The following HSD17B4 variants were observed in gnomAD, a reference collection of about 807,000 sequenced individuals.
The protein encoded by HSD17B4 is peroxisomal multifunctional enzyme type 2.
HSD17B4 carries 70 observed loss-of-function variants against 101.0 expected under a neutral mutation model. The ratio of observed to expected loss-of-function variants is 0.69; its 90% CI spans 0.57 to 0.85. The LOEUF is 0.85. Ranked by LOEUF, HSD17B4 falls within the 40% of genes least tolerant of loss-of-function variation. The pLI is 0.00. For missense variants in HSD17B4, 984 were observed against 892.4 expected (o/e 1.10, Z -1.31); for synonymous variants, 347 against 297.1 (o/e 1.17, Z -1.73).
At chr5:119,459,695 C>A (rs886314292) in intron 2 of HSD17B4, among the ~76,000 whole-genome samples, 10 of 152,140 alleles carry the variant, frequency 6.6e-5, no homozygotes, top group African/African-American at 2.4e-4. Flanking sequence ...CGTCACAGGG[C>A]AAGAGGCTGA....
intron 8 of HSD17B4, among the ~76,000 whole-genome samples, chr5:119,483,408 T>C (rs1357467726): frequency 1.3e-5 from 2 of 152,184 alleles, no homozygotes; most frequent in Non-Finnish European, 2.9e-5. Context: ...GCTTTTATCT[T>C]GGTTTGAGGA....
At chr5:119,520,146 A>G (rs1257637477) in intron 17 of HSD17B4, among the ~76,000 whole-genome samples, 2 of 147,588 alleles carry the variant, frequency 1.4e-5, no homozygotes, top group African/African-American at 2.6e-5. Context: ...TTTTATAACT[A>G]CTACCTGTTT....
At chr5:119,461,352 T>G (rs1755215856) in intron 2 of HSD17B4, among the ~76,000 whole-genome samples, 1 of 152,154 alleles carries the variant, frequency 6.6e-6, no homozygotes, top group Admixed American at 6.5e-5. Context: ...ATTACTTTAC[T>G]AGTGCTCAAA....
At chr5:119,517,030 G>A (rs1752674247) in intron 17 of HSD17B4, among the ~76,000 whole-genome samples, 1 of 152,246 alleles carries the variant, frequency 6.6e-6, no homozygotes, top group Non-Finnish European at 1.5e-5. Flanking sequence ...TCAGCCCACC[G>A]CTGCACTGTG....
chr5:119,489,746 A>G (rs531806862), intron 9 of HSD17B4, among the ~76,000 whole-genome samples: 2 of 152,296 alleles, frequency 1.3e-5, no homozygotes, highest in East Asian at 3.9e-4. Flanking sequence ...CACCAATTTT[A>G]ATTATCAGTA....
At chr5:119,540,123 A>G (rs1754865536) in intron 23 of HSD17B4, among the ~76,000 whole-genome samples, 1 of 152,116 alleles carries the variant, frequency 6.6e-6, no homozygotes, top group Non-Finnish European at 1.5e-5. Context: ...TCTGGAAAGC[A>G]CAGTGCTTCC....
At chr5:119,535,464 T>C (rs1464416349) in intron 22 of HSD17B4, among the ~76,000 whole-genome samples, 2 of 151,904 alleles carry the variant, frequency 1.3e-5, no homozygotes, top group African/African-American at 4.8e-5. Flanking sequence ...CTTTTCCCAA[T>C]TTTGAGATAT....
chr5:119,495,577 T>C (rs1750562318), intron 11 of HSD17B4: 1 of 152,224 alleles, frequency 6.6e-6, no homozygotes, highest in African/African-American at 2.4e-5. Context: ...ATGAATGGGA[T>C]GGTAGGGAGA....
intron 17 of HSD17B4, among the ~76,000 whole-genome samples, chr5:119,518,502 T>C: frequency 6.6e-6 from 1 of 152,116 alleles, no homozygotes; most frequent in Non-Finnish European, 1.5e-5. Flanking sequence ...GGAGATGGTA[T>C]GTGGGTGTTT....
At chr5:119,532,590 C>G (rs1187364161) in intron 22 of HSD17B4, among the ~76,000 whole-genome samples, 1 of 151,372 alleles carries the variant, frequency 6.6e-6, no homozygotes, top group African/African-American at 2.4e-5. Flanking sequence ...TAATATGATA[C>G]TGAGATATTT....
At chr5:119,493,976 G>A (rs774458416) in intron 11 of HSD17B4, 30 bp downstream of exon 11, 53 of 1,611,644 alleles carry the variant, frequency 3.3e-5, no homozygotes, top group South Asian at 2.7e-4. Flanking sequence ...CTTAGCCCTG[G>A]TTGGGGAATC....
In HSD17B4 at chr5:119,542,091, C is replaced by G. The variant is rs1030938167; in HGVS notation, c.*97C>G. The stretch of plus-strand genomic sequence containing the variant: ...TGCAAAAGTGATTAGAACTAAGATG[C>G]AGGGGAAATTGCTTAACATTTTCAG... On this transcript the variant is annotated 3_prime_UTR_variant, in exon 24 of 24. Coordinates refer to ENST00000510025, the MANE Select transcript of HSD17B4 (RefSeq NM_000414.4). 3 of 811,750 alleles carry G rather than the reference C, an allele frequency of 3.7e-6. No individual in the cohort carries two copies. Among genetic ancestry groups the G allele is most frequent in the Non-Finnish European group, 2.1e-6 (1 of 471,400 alleles). The allele number at this position is 811,750 out of a possible 1,614,324, so 50.3% of individuals were successfully genotyped here.
At chr5:119,455,471 C>T (rs764710635) in intron 1 of HSD17B4, among the ~76,000 whole-genome samples, 2 of 151,682 alleles carry the variant, frequency 1.3e-5, no homozygotes, top group Admixed American at 6.6e-5. Context: ...GAGCCGAGAT[C>T]ATGCCACTGC....
At chr5:119,528,084 G>C (rs1217103106) in intron 20 of HSD17B4, among the ~76,000 whole-genome samples, 1 of 152,068 alleles carries the variant, frequency 6.6e-6, no homozygotes, top group Non-Finnish European at 1.5e-5. Context: ...CATTTATTGA[G>C]AACCTATAAA....
chr5:119,479,273 T>C (rs1748892715), intron 8 of HSD17B4, among the ~76,000 whole-genome samples: 1 of 152,198 alleles, frequency 6.6e-6, no homozygotes, highest in African/African-American at 2.4e-5. Context: ...AATTTTTTTT[T>C]TGTTTTACAC....
chr5:119,536,428 G>T lies in HSD17B4; in HGVS notation c.1999G>T (p.Asp667Tyr). The change falls in exon 23 of 24, where the codon GAC becomes TAC. Residue 667 changes from aspartate to tyrosine, a missense_variant. Physicochemically the swap from Asp to Tyr is radical, Grantham distance 160. Coordinates refer to ENST00000510025, the MANE Select transcript of HSD17B4 (RefSeq NM_000414.4). ...TTTCTTCCTATTTTTCCCAGCTATTGACCTGAAAAGTGGTTCTGGAAAAGT... is the reference window on the plus strand; with the variant it reads ...TTTCTTCCTATTTTTCCCAGCTATTTACCTGAAAAGTGGTTCTGGAAAAGT... ...GGNIGAKWTI[D>Y]LKSGSGKVYQ... 1 of 1,612,102 alleles carries T rather than the reference G, an allele frequency of 6.2e-7. No homozygotes were observed. The highest frequency in any genetic ancestry group is 1.1e-5 in the South Asian group (1 of 91,018).
intron 2 of HSD17B4, among the ~76,000 whole-genome samples, chr5:119,467,507 C>T (rs1490111100): frequency 1.3e-5 from 2 of 152,096 alleles, no homozygotes; most frequent in African/African-American, 4.8e-5. Context: ...ACTGTTATGT[C>T]CTCTTGCTGA....
At chr5:119,479,092 A>G in intron 8 of HSD17B4, 71 bp downstream of exon 8, 8 of 1,155,398 alleles carry the variant, frequency 6.9e-6, no homozygotes, top group South Asian at 6.5e-5. Context: ...TTACAAAAGT[A>G]TTTAATTTTC....
intron 13 of HSD17B4, among the ~76,000 whole-genome samples, chr5:119,500,677 C>A (rs1751077098): frequency 6.6e-6 from 1 of 151,776 alleles, no homozygotes; most frequent in South Asian, 2.1e-4. Flanking sequence ...GAGAAGAGGC[C>A]TGAGTTTAGA....
Sources: gnomAD v4.1 joint callset for allele counts (sites outside exome capture counted in the v4.1 genomes callset) on GRCh38, gnomAD v4.1.1 for gene constraint, MANE v1.5 for transcripts, NCBI Gene and HGNC (gene_info 2026-07-23, HGNC 2026-07-21) for gene names.